The following IQCM variants were observed in gnomAD, a reference collection of about 807,000 sequenced individuals.
IQCM encodes IQ motif containing M.
In IQCM, 45 loss-of-function variants were observed where a neutral mutation model predicts 57.6. That is an observed-to-expected ratio of 0.78 (90% CI 0.62 to 1.00). The LOEUF (loss-of-function observed/expected upper bound fraction) is 1.00. Ranked by LOEUF, IQCM falls within the 50% of genes least tolerant of loss-of-function variation. The pLI, the probability that IQCM is intolerant of heterozygous loss-of-function variation, is 0.00. For missense variants in IQCM, 468 were observed against 511.6 expected (o/e 0.91, Z 0.82); for synonymous variants, 148 against 158.9 (o/e 0.93, Z 0.51).
At position 149,475,798 on chromosome 4, in the gene IQCM, C is replaced by T. The variant is rs149738849; in HGVS notation, c.1229-42241G>A. Among the ~76,000 whole-genome samples, 3 of 152,008 alleles carry T rather than the reference C, an allele frequency of 2.0e-5. No individual in the cohort carries two copies. The East Asian group carries it at 5.8e-4, about 29-fold the overall frequency. On this transcript the variant is annotated intron_variant, in intron 12 of 13. Transcript: ENST00000636793. Reference sequence around the variant, plus strand: ...ACTTTGGGATATCATGCTGATAGGCCAAGTAAAATAATAACAGAATTGGCC... The same window carrying T: ...ACTTTGGGATATCATGCTGATAGGCTAAGTAAAATAATAACAGAATTGGCC...
intron 12 of IQCM, among the ~76,000 whole-genome samples, chr4:149,527,357 G>A (rs191854599): frequency 2.6e-5 from 4 of 152,274 alleles, no homozygotes; most frequent in African/African-American, 9.6e-5. Context: ...AACCCCCAAT[G>A]TGATAGTATT....
rs564716083 is a variant in IQCM at position 149,733,343 on chromosome 4, T to C, written c.286A>G (p.Ser96Gly). The change falls in exon 5 of 14, where the codon AGC (serine) becomes GGC (glycine). Residue 96 changes from serine to glycine, a missense_variant. Transcript: ENST00000636793. ...RICFPKELSK[S>G]EHLQEPPQRI... Reference sequence around the variant, plus strand: ...TGTGGGGGTTCCTGAAGATGCTCGCTTTTGGAAAGCTCCTTGGGAAAGCAA... The same window carrying C: ...TGTGGGGGTTCCTGAAGATGCTCGCCTTTGGAAAGCTCCTTGGGAAAGCAA... The C allele has an allele frequency of 1.3e-5, 16 of 1,231,838 alleles. 1 individual carries two copies. The South Asian group carries it at 4.5e-4, about 35-fold the overall frequency. 76.3% of individuals were successfully genotyped at this position (1,231,838 alleles called of 1,614,324 possible). A position where few individuals can be genotyped will look rare whatever the true frequency, so the allele number is the denominator to read the frequency against.
chr4:149,643,890 A>G (rs1411573531), intron 7 of IQCM, among the ~76,000 whole-genome samples: 1 of 152,218 alleles, frequency 6.6e-6, no homozygotes, highest in African/African-American at 2.4e-5. Context: ...TCTTACTCTT[A>G]ATGTATTTCT....
At chr4:149,361,353 G>T (rs969883066) in intron 13 of IQCM, among the ~76,000 whole-genome samples, 8 of 152,182 alleles carry the variant, frequency 5.3e-5, no homozygotes, top group Non-Finnish European at 8.8e-5. Flanking sequence ...AAATTTGCAT[G>T]AGTAGCAAGG....
At chr4:149,514,487 T>C (rs1744737541) in intron 12 of IQCM, 2 of 152,282 alleles carry the variant, frequency 1.3e-5, no homozygotes, top group South Asian at 2.1e-4. Flanking sequence ...AAACAAACAA[T>C]GACTATCAGA....
At chr4:149,671,021 C>T (rs941593650) in intron 7 of IQCM, among the ~76,000 whole-genome samples, 1 of 151,052 alleles carries the variant, frequency 6.6e-6, no homozygotes, top group African/African-American at 2.4e-5. Flanking sequence ...AAGGAGGATT[C>T]CCTCTTTTTC....
intron 2 of IQCM, among the ~76,000 whole-genome samples, chr4:149,773,224 C>T (rs146890579): frequency 5.4e-4 from 82 of 151,962 alleles, no homozygotes; most frequent in Middle Eastern, 3.4e-3. Flanking sequence ...TGGTGACGGG[C>T]GCCTGTAGTT....
chr4:149,557,266 C>T (rs1334749916), intron 10 of IQCM, among the ~76,000 whole-genome samples: 1 of 152,138 alleles, frequency 6.6e-6, no homozygotes, highest in Non-Finnish European at 1.5e-5. Flanking sequence ...AATAATTGGA[C>T]ACTTCTGGTA....
intron 13 of IQCM, among the ~76,000 whole-genome samples, chr4:149,403,222 T>G (rs1453687145): frequency 1.3e-5 from 2 of 151,990 alleles, no homozygotes; most frequent in Admixed American, 1.3e-4. Flanking sequence ...ATTGCTGATT[T>G]CTTTCCAAAC....
intron 13 of IQCM, among the ~76,000 whole-genome samples, chr4:149,402,321 T>C (rs1188800408): frequency 6.6e-5 from 10 of 151,712 alleles, no homozygotes; most frequent in Admixed American, 6.6e-4. Context: ...GAAGAATCAG[T>C]GATGGGGGCC....
intron 8 of IQCM, among the ~76,000 whole-genome samples, chr4:149,597,998 T>A (rs982102190): frequency 1.3e-5 from 2 of 152,170 alleles, no homozygotes; most frequent in African/African-American, 4.8e-5. Flanking sequence ...CATCTTTTTT[T>A]ACCCCCAGCA....
At chr4:149,690,351 C>T (rs1379299074) in intron 5 of IQCM, among the ~76,000 whole-genome samples, 1 of 151,384 alleles carries the variant, frequency 6.6e-6, no homozygotes, top group African/African-American at 2.4e-5. Flanking sequence ...TATGTTCTCA[C>T]TGAAATGTGA....
At chr4:149,521,590 A>T (rs1745650754) in intron 12 of IQCM, among the ~76,000 whole-genome samples, 1 of 152,230 alleles carries the variant, frequency 6.6e-6, no homozygotes, top group Non-Finnish European at 1.5e-5. Flanking sequence ...CTTGAAATGA[A>T]TTGACCCTTT....
intron 12 of IQCM, among the ~76,000 whole-genome samples, chr4:149,440,625 A>C (rs1735846284): frequency 6.6e-6 from 1 of 152,172 alleles, no homozygotes; most frequent in African/African-American, 2.4e-5. Flanking sequence ...TCTTGTGCTT[A>C]AGCCTCTTTC....
At position 149,717,292 on chromosome 4, in the gene IQCM, G is replaced by A. The variant is rs555449197; in HGVS notation, c.385+15952C>T. Reference sequence around the variant, plus strand: ...CTATGGGATCTGATGCTACCTCCAGGTACATAGTGTCAGATTTGAATTGAA... The same window carrying A: ...CTATGGGATCTGATGCTACCTCCAGATACATAGTGTCAGATTTGAATTGAA... On this transcript the variant is annotated intron_variant, in intron 5 of 13. Transcript: ENST00000636793. Among the ~76,000 whole-genome samples, 18 of 152,236 alleles carry A rather than the reference G, an allele frequency of 1.2e-4. No individual in the cohort carries two copies. The South Asian group carries it at 3.7e-3, about 32-fold the overall frequency.
At chr4:149,694,168 A>G (rs1763145085) in intron 5 of IQCM, among the ~76,000 whole-genome samples, 1 of 151,748 alleles carries the variant, frequency 6.6e-6, no homozygotes, top group South Asian at 2.1e-4. Flanking sequence ...ATTCAGTTAC[A>G]TAGATTTTTC....
At chr4:149,409,906 C>A (rs899709708) in intron 13 of IQCM, among the ~76,000 whole-genome samples, 18 of 152,172 alleles carry the variant, frequency 1.2e-4, no homozygotes, top group African/African-American at 4.1e-4. Flanking sequence ...CAGTTCTTGG[C>A]CTGGCCCGGT....
Position 149,735,338 on chromosome 4 carries a change from T to C in IQCM, c.120+38A>G, listed in dbSNP as rs1205509722. On this transcript the variant is annotated intron_variant, in intron 4 of 13. Coordinates refer to ENST00000636793, the MANE Select transcript of IQCM (RefSeq NM_001363507.2). Reference sequence around the variant, plus strand: ...GGAGAATCCTTGTAGTATGCAAAAATTTTAAAATGTAACATTAGATAAATG... The same window carrying C: ...GGAGAATCCTTGTAGTATGCAAAAACTTTAAAATGTAACATTAGATAAATG... 2.7e-6 allele frequency: 3 copies of C among 1,098,970 alleles called. No individual in the cohort carries two copies. In the Admixed American group the frequency reaches 1.3e-4, roughly 47 times the overall value. The allele number at this position is 1,098,970 out of a possible 1,614,324, so 68.1% of individuals were successfully genotyped here. A position where few individuals can be genotyped will look rare whatever the true frequency, so the allele number is the denominator to read the frequency against.
At chr4:149,433,057 C>T (rs889212801) in intron 13 of IQCM, among the ~76,000 whole-genome samples, 3 of 151,878 alleles carry the variant, frequency 2.0e-5, no homozygotes, top group Non-Finnish European at 4.4e-5. Context: ...GACTGGAAAA[C>T]AGGTTAGCCA....
Sources: gnomAD v4.1 joint callset for allele counts (sites outside exome capture counted in the v4.1 genomes callset) on GRCh38, gnomAD v4.1.1 for gene constraint, MANE v1.5 for transcripts, NCBI Gene and HGNC (gene_info 2026-07-23, HGNC 2026-07-21) for gene names.